NR6A1: variants seen among roughly 807,000 people sequenced by gnomAD.
NR6A1 encodes nuclear receptor subfamily 6 group A member 1, also known as retinoic acid receptor-related testis-associated receptor.
In NR6A1, 7 loss-of-function variants were observed where a neutral mutation model predicts 59.1. The ratio of observed to expected loss-of-function variants is 0.12; its 90% CI spans 0.07 to 0.22. The LOEUF is 0.22. Ranked by LOEUF, NR6A1 falls within the 10% of genes least tolerant of loss-of-function variation. The pLI is 1.00. For synonymous variants in NR6A1, 243 were observed against 236.1 expected, an observed-to-expected ratio of 1.03 and a Z score of -0.27; for missense variants, 468 against 611.6, an observed-to-expected ratio of 0.77 and a Z score of 2.48.
chr9:124,531,340 C>T (rs779206502), intron 7 of NR6A1, among the ~76,000 whole-genome samples: 9 of 152,136 alleles, frequency 5.9e-5, no homozygotes, highest in African/African-American at 1.4e-4. Context: ...TGTCTGATAA[C>T]GGTGTGATTA....
intron 2 of NR6A1, among the ~76,000 whole-genome samples, chr9:124,649,233 CA>C (rs78432505): frequency 0.032 from 1,337 of 41,426 alleles, 7 homozygotes; most frequent in East Asian, 0.17. Context: ...GGTACTGGCA[CA>C]AAAAAAAAAA....
chr9:124,608,917 T>C (rs1835657166), intron 2 of NR6A1, among the ~76,000 whole-genome samples: 1 of 152,236 alleles, frequency 6.6e-6, no homozygotes, highest in East Asian at 1.9e-4. Context: ...TTTTCTCCTA[T>C]GTTTGTTGGC....
In NR6A1 at chr9:124,664,344, T is replaced by G. The variant is rs191133852; in HGVS notation, c.142+68964A>C. On this transcript the variant is annotated intron_variant, in intron 2 of 9. Transcript: ENST00000487099. Reference sequence around the variant, plus strand: ...GGAGGGTTTTCTCCCAGAAATTGGCTGAACTAGATATGATGTCATATCTTA... The same window carrying G: ...GGAGGGTTTTCTCCCAGAAATTGGCGGAACTAGATATGATGTCATATCTTA... Among the ~76,000 whole-genome samples the G allele has an allele frequency of 2.6e-5, 4 of 152,342 alleles. No homozygotes were observed. In the East Asian group the frequency reaches 7.7e-4, roughly 29 times the overall value.
At chr9:124,582,584 A>G (rs532682116) in intron 2 of NR6A1, among the ~76,000 whole-genome samples, 1 of 152,190 alleles carries the variant, frequency 6.6e-6, no homozygotes, top group Non-Finnish European at 1.5e-5. Context: ...AAAGTTAAAA[A>G]AAAAAAAAGA....
chr9:124,598,647 TA>T (rs34357133), intron 2 of NR6A1: 14,769 of 160,674 alleles, frequency 0.092, 106 homozygotes, highest in Non-Finnish European at 0.11. Flanking sequence ...AGAGTAAAAT[TA>T]AAAAAAAAAA....
intron 1 of NR6A1, among the ~76,000 whole-genome samples, chr9:124,755,340 C>T (rs1190187843): frequency 6.6e-6 from 1 of 152,096 alleles, no homozygotes; most frequent in Admixed American, 6.6e-5. Context: ...CAACTTTTTC[C>T]GTTCATTATG....
intron 1 of NR6A1, among the ~76,000 whole-genome samples, chr9:124,769,496 A>G (rs1157008606): frequency 6.6e-6 from 1 of 152,224 alleles, no homozygotes; most frequent in Non-Finnish European, 1.5e-5. Context: ...ACCTATTTTC[A>G]GGTTACTTTC....
chr9:124,558,146 T>A (rs901591475), intron 2 of NR6A1, among the ~76,000 whole-genome samples: 11 of 152,206 alleles, frequency 7.2e-5, no homozygotes, highest in African/African-American at 2.7e-4. Context: ...AAAGCATTCC[T>A]ATGGCATTCT....
At chr9:124,532,732 C>G (rs986423752) in intron 7 of NR6A1, among the ~76,000 whole-genome samples, 2 of 152,204 alleles carry the variant, frequency 1.3e-5, no homozygotes, top group African/African-American at 4.8e-5. Context: ...CAGCAACGCT[C>G]AATAAAACTT....
chr9:124,745,140 T>C lies in NR6A1; in HGVS notation c.101-11791A>G, dbSNP rs868710090. Among the ~76,000 whole-genome samples, 58 of 152,302 alleles carry C rather than the reference T, an allele frequency of 3.8e-4. 1 individual carries two copies. Among genetic ancestry groups the C allele is most frequent in the African/African-American group, 1.3e-3 (54 of 41,566 alleles). Reference sequence around the variant, plus strand: ...ATGTACACTTATTCAATGGAATATTTTGCGAACACTATAAATGTTTTCCAA... The same window carrying C: ...ATGTACACTTATTCAATGGAATATTCTGCGAACACTATAAATGTTTTCCAA... On this transcript the variant is annotated intron_variant, in intron 1 of 9. Transcript: ENST00000487099.
chr9:124,634,614 G>A (rs1376735078), intron 2 of NR6A1, among the ~76,000 whole-genome samples: 2 of 152,266 alleles, frequency 1.3e-5, no homozygotes, highest in Admixed American at 1.3e-4. Flanking sequence ...GAGGTCAGGA[G>A]ATCAAGACCA....
chr9:124,755,702 C>T (rs997269203), intron 1 of NR6A1, among the ~76,000 whole-genome samples: 8 of 152,144 alleles, frequency 5.3e-5, no homozygotes, highest in South Asian at 2.1e-4. Flanking sequence ...GTTCTTTATT[C>T]ATAGAACTTA....
chr9:124,769,140 C>T (rs1841028841), intron 1 of NR6A1, among the ~76,000 whole-genome samples: 2 of 152,084 alleles, frequency 1.3e-5, no homozygotes, highest in African/African-American at 4.8e-5. Flanking sequence ...CAGCTTCCCC[C>T]TTTGTGACAC....
intron 3 of NR6A1, among the ~76,000 whole-genome samples, chr9:124,546,663 A>G (rs1035570722): frequency 1.3e-5 from 2 of 152,246 alleles, no homozygotes; most frequent in African/African-American, 4.8e-5. Flanking sequence ...TTTAAAAGTT[A>G]TTGAAAGACT....
At chr9:124,729,138 C>T (rs1285004158) in intron 2 of NR6A1, among the ~76,000 whole-genome samples, 1 of 151,948 alleles carries the variant, frequency 6.6e-6, no homozygotes, top group Non-Finnish European at 1.5e-5. Context: ...AGTGATGGAT[C>T]GTATCATAAA....
intron 2 of NR6A1, among the ~76,000 whole-genome samples, chr9:124,595,420 T>C (rs1835243374): frequency 6.6e-6 from 1 of 152,166 alleles, no homozygotes; most frequent in Admixed American, 6.5e-5. Flanking sequence ...TGTCAAGAAA[T>C]AAACAACAAT....
At chr9:124,710,195 A>G (rs1371575488) in intron 2 of NR6A1, among the ~76,000 whole-genome samples, 1 of 152,206 alleles carries the variant, frequency 6.6e-6, no homozygotes, top group Non-Finnish European at 1.5e-5. Flanking sequence ...TCTCCGCACA[A>G]AATCATTACA....
chr9:124,701,438 T>C (rs1428102910), intron 2 of NR6A1, among the ~76,000 whole-genome samples: 1 of 152,236 alleles, frequency 6.6e-6, no homozygotes, highest in Non-Finnish European at 1.5e-5. Flanking sequence ...CACTTAAGTA[T>C]ATAATTCAAT....
chr9:124,732,352 T>C (rs1359910510), intron 2 of NR6A1, among the ~76,000 whole-genome samples: 3 of 152,206 alleles, frequency 2.0e-5, no homozygotes, highest in Non-Finnish European at 2.9e-5. Flanking sequence ...CAAAATAAGG[T>C]CTGTATACAC....
Sources: gnomAD v4.1 joint callset for allele counts (sites outside exome capture counted in the v4.1 genomes callset) on GRCh38, gnomAD v4.1.1 for gene constraint, MANE v1.5 for transcripts, NCBI Gene and HGNC (gene_info 2026-07-23, HGNC 2026-07-21) for gene names.